The following TSHZ2 variants were observed in gnomAD, a reference collection of about 807,000 sequenced individuals.
TSHZ2 encodes the protein teashirt homolog 2.
A neutral mutation model predicts 74.4 loss-of-function variants in TSHZ2; 21 were observed. That is an observed-to-expected ratio of 0.28 (90% CI 0.20 to 0.41). TSHZ2 has a LOEUF of 0.41. Ranked by LOEUF, TSHZ2 falls within the 10% of genes least tolerant of loss-of-function variation. TSHZ2 has a pLI of 1.00. For synonymous variants in TSHZ2, 540 were observed against 515.3 expected (o/e 1.05, Z -0.65); for missense variants, 1,244 against 1,293.5 (o/e 0.96, Z 0.59).
intron 1 of TSHZ2, among the ~76,000 whole-genome samples, chr20:53,169,878 T>C (rs1406250655): frequency 6.6e-6 from 1 of 152,242 alleles, no homozygotes; most frequent in Non-Finnish European, 1.5e-5. Flanking sequence ...CACAGTTATG[T>C]AACCAATGTA....
chr20:53,034,651 A>G (rs1390654012), intron 1 of TSHZ2, among the ~76,000 whole-genome samples: 1 of 152,238 alleles, frequency 6.6e-6, no homozygotes, highest in Non-Finnish European at 1.5e-5. Context: ...ACAGTTACCA[A>G]TGAGAAGAAG....
chr20:53,227,078 C>G (rs946907433), intron 1 of TSHZ2, among the ~76,000 whole-genome samples: 1 of 151,330 alleles, frequency 6.6e-6, no homozygotes, highest in African/African-American at 2.4e-5. Context: ...GATCTCACAC[C>G]GGCTTATTGA....
intron 1 of TSHZ2, among the ~76,000 whole-genome samples, chr20:53,182,089 C>T (rs553291772): frequency 1.3e-5 from 2 of 151,318 alleles, no homozygotes; most frequent in African/African-American, 2.4e-5. Flanking sequence ...GGCCGGCCTG[C>T]CTTCCTTTCC....
Position 53,256,074 on chromosome 20 carries a change from C to G in TSHZ2, c.2616C>G (p.Tyr872Ter). 1 of 1,614,156 alleles carries G rather than the reference C, an allele frequency of 6.2e-7. No homozygotes were observed. Among genetic ancestry groups the G allele is most frequent in the Non-Finnish European group, 8.5e-7 (1 of 1,180,004 alleles). ...SSLFQTSEGK[Y>*]LLSDLGPQER... ...TCTTCCAGACATCAGAGGGCAAATA[C>G]CTGCTGTCTGATCTGGGCCCACAAG... Residue 872 changes from tyrosine to a stop codon, truncating the protein, a stop_gained, in exon 2 of 3, where the codon TAC (tyrosine) becomes TAG (stop). Transcript: ENST00000371497. LOFTEE classifies it high-confidence loss of function. This position sits in a 1 kb window ranked among gnomAD's most constrained non-coding sequence, Gnocchi z 4.3.
At chr20:53,032,948 G>T (rs1346770164) in intron 1 of TSHZ2, among the ~76,000 whole-genome samples, 1 of 152,010 alleles carries the variant, frequency 6.6e-6, no homozygotes, top group Non-Finnish European at 1.5e-5. Flanking sequence ...ATACCCATGG[G>T]GTTATACTGG....
chr20:53,246,036 C>CTTTTTTTTTTTTTTTTTTTTTT (rs201257665), intron 1 of TSHZ2, among the ~76,000 whole-genome samples: 13 of 126,758 alleles, frequency 1.0e-4, no homozygotes, highest in African/African-American at 3.8e-4. Flanking sequence ...TTCTTTCTTT[C>CTTTTTTTTTTTTTTTTTTTTTT]TTTCTTTTTT....
chr20:53,037,037 T>C (rs1983848508), intron 1 of TSHZ2, among the ~76,000 whole-genome samples: 2 of 152,186 alleles, frequency 1.3e-5, no homozygotes, highest in South Asian at 4.1e-4. Context: ...AGTGTATTAG[T>C]ATTATAATCC....
chr20:53,463,907 A>G (rs376074015), intron 2 of TSHZ2, among the ~76,000 whole-genome samples: 1 of 152,196 alleles, frequency 6.6e-6, no homozygotes, highest in Non-Finnish European at 1.5e-5. Flanking sequence ...ATAATTGGTA[A>G]AACACAGGCT....
At chr20:53,182,195 C>CT (rs756427288) in intron 1 of TSHZ2, among the ~76,000 whole-genome samples, 5 of 141,608 alleles carry the variant, frequency 3.5e-5, no homozygotes, top group Admixed American at 7.2e-5. Flanking sequence ...TTCTTTCTTT[C>CT]TTCTTCTCTT....
At chr20:53,291,204 G>T (rs1419738114) in intron 2 of TSHZ2, among the ~76,000 whole-genome samples, 1 of 152,180 alleles carries the variant, frequency 6.6e-6, no homozygotes, top group East Asian at 1.9e-4. Context: ...GGGAGCGGTG[G>T]CTCACGCCTG....
At chr20:53,346,110 C>G (rs533318961) in intron 2 of TSHZ2, among the ~76,000 whole-genome samples, 1 of 152,338 alleles carries the variant, frequency 6.6e-6, no homozygotes, top group Admixed American at 6.5e-5. Flanking sequence ...TGGCAATCTT[C>G]CCTGTTTCGG....
chr20:53,066,900 A>C (rs943809756), intron 1 of TSHZ2, among the ~76,000 whole-genome samples: 1 of 152,160 alleles, frequency 6.6e-6, no homozygotes, highest in Non-Finnish European at 1.5e-5. Flanking sequence ...CTTCTGAGGC[A>C]AGGGCTGCGT....
At chr20:53,329,722 G>A (rs766042042) in intron 2 of TSHZ2, among the ~76,000 whole-genome samples, 4 of 152,126 alleles carry the variant, frequency 2.6e-5, no homozygotes, top group Non-Finnish European at 4.4e-5. Context: ...GTAGTTTTCC[G>A]TAACTTTTCT....
Position 53,054,499 on chromosome 20 carries a change from G to A in TSHZ2, c.40+81166G>A, listed in dbSNP as rs1032187587. Among the ~76,000 whole-genome samples the A allele has an allele frequency of 5.9e-5, 9 of 152,114 alleles. No homozygotes were observed. In the South Asian group the frequency reaches 8.3e-4, roughly 14 times the overall value. ...ACACAGTGTGAACAAAAGCAAATCC[G>A]CAGAACTTTAAAATGTCAGAGCCCA... On this transcript the variant is annotated intron_variant, in intron 1 of 2. Transcript: ENST00000371497.
intron 1 of TSHZ2, among the ~76,000 whole-genome samples, chr20:53,206,003 G>A (rs1404152915): frequency 1.3e-5 from 2 of 152,104 alleles, no homozygotes; most frequent in African/African-American, 4.8e-5. Context: ...GGTGGATCAC[G>A]AGGTCAGGAG....
chr20:53,076,652 T>G (rs1186865138), intron 1 of TSHZ2, among the ~76,000 whole-genome samples: 1 of 152,070 alleles, frequency 6.6e-6, no homozygotes, highest in Non-Finnish European at 1.5e-5. Context: ...TAAATTAGGT[T>G]GATGGTGGGA....
intron 1 of TSHZ2, among the ~76,000 whole-genome samples, chr20:52,987,825 G>A (rs932654098): frequency 9.9e-5 from 15 of 152,042 alleles, no homozygotes; most frequent in African/African-American, 3.1e-4. Flanking sequence ...TGGCAACCTG[G>A]GTTCCAGATC....
chr20:53,269,797 T>TAAAAAA (rs55746415), intron 2 of TSHZ2, among the ~76,000 whole-genome samples: 10 of 144,474 alleles, frequency 6.9e-5, no homozygotes, highest in African/African-American at 2.1e-4. Context: ...TAGAGTATAA[T>TAAAAAA]AAAAAAAAAA....
chr20:53,268,802 G>C (rs1347477442), intron 2 of TSHZ2, among the ~76,000 whole-genome samples: 2 of 152,160 alleles, frequency 1.3e-5, no homozygotes, highest in Non-Finnish European at 2.9e-5. Context: ...AATTATAGTA[G>C]ATGCTCAGCA....
Sources: gnomAD v4.1 joint callset for allele counts (sites outside exome capture counted in the v4.1 genomes callset) on GRCh38, gnomAD v4.1.1 for gene constraint, Gnocchi (gnomAD v3.1) non-coding constraint, MANE v1.5 for transcripts, NCBI Gene and HGNC (gene_info 2026-07-23, HGNC 2026-07-21) for gene names.